QTMAN: variants seen among roughly 807,000 people sequenced by gnomAD.
QTMAN encodes the protein queuosine-tRNA mannosyltransferase.
At chr2:144,203,150 A>AGTGTGTGTGTGTGTGTGTGT in the QTMAN span, among the ~76,000 whole-genome samples, 1 of 145,532 alleles carries the variant, frequency 6.9e-6, no homozygotes. Flanking sequence ...TACAATGAAG[A>AGTGTGTGTGTGTGTGTGTGT]GTGTGTGTGT....
chr2:144,289,856 A>G, the QTMAN span, among the ~76,000 whole-genome samples: 15 of 152,200 alleles, frequency 9.9e-5, no homozygotes, highest in African/African-American at 3.1e-4. Context: ...AAAGAATGGG[A>G]AAAAAAATTG....
the QTMAN span, among the ~76,000 whole-genome samples, chr2:144,265,059 G>A: frequency 6.6e-6 from 1 of 152,212 alleles, no homozygotes; most frequent in Non-Finnish European, 1.5e-5. Context: ...CTACTTGACA[G>A]TTGTATTTCT....
the QTMAN span, among the ~76,000 whole-genome samples, chr2:144,332,820 C>T: frequency 1.3e-5 from 2 of 152,206 alleles, no homozygotes; most frequent in African/African-American, 4.8e-5. Flanking sequence ...TCCGCCCTTT[C>T]AGCTTTTTCG....
chr2:143,995,953 T>A, the QTMAN span, among the ~76,000 whole-genome samples: 1 of 152,110 alleles, frequency 6.6e-6, no homozygotes, highest in Non-Finnish European at 1.5e-5. Context: ...GCACCTTCAT[T>A]TATCCACTTA....
At chr2:143,989,559 G>A in the QTMAN span, among the ~76,000 whole-genome samples, 1 of 152,176 alleles carries the variant, frequency 6.6e-6, no homozygotes, top group Non-Finnish European at 1.5e-5. Flanking sequence ...GGACGGCATT[G>A]CAGGTAAGGA....
At chr2:144,299,665 C>T in the QTMAN span, among the ~76,000 whole-genome samples, 6 of 152,190 alleles carry the variant, frequency 3.9e-5, no homozygotes, top group South Asian at 4.1e-4. Flanking sequence ...AATTGAAATC[C>T]GTGTACACTG....
At chr2:144,263,424 C>G in the QTMAN span, among the ~76,000 whole-genome samples, 1 of 152,192 alleles carries the variant, frequency 6.6e-6, no homozygotes, top group Middle Eastern at 3.4e-3. Context: ...ATATTTGGGT[C>G]CTGGTCATGG....
the QTMAN span, among the ~76,000 whole-genome samples, chr2:144,273,930 T>C: frequency 5.9e-4 from 90 of 152,074 alleles, no homozygotes; most frequent in African/African-American, 1.8e-3. Context: ...GGTCAAGAGA[T>C]CCAGACCAGC....
the QTMAN span, among the ~76,000 whole-genome samples, chr2:143,960,641 G>C: frequency 5.7e-4 from 87 of 152,178 alleles, no homozygotes; most frequent in African/African-American, 2.0e-3. Context: ...ACTTGAAGGT[G>C]AAGAACGAGT....
At chr2:143,981,874 A>G in the QTMAN span, among the ~76,000 whole-genome samples, 1 of 152,178 alleles carries the variant, frequency 6.6e-6, no homozygotes, top group Non-Finnish European at 1.5e-5. Context: ...AATTAATTAC[A>G]TGTCTCCTCT....
the QTMAN span, among the ~76,000 whole-genome samples, chr2:144,267,967 G>A: frequency 6.6e-6 from 1 of 152,182 alleles, no homozygotes; most frequent in Non-Finnish European, 1.5e-5. Flanking sequence ...GGGCCAATGG[G>A]AGGTGATACA....
At chr2:144,290,072 T>C in the QTMAN span, among the ~76,000 whole-genome samples, 2 of 152,050 alleles carry the variant, frequency 1.3e-5, no homozygotes, top group African/African-American at 2.4e-5. Flanking sequence ...CTGTAACCAA[T>C]CCAGCTGTTT....
the QTMAN span, among the ~76,000 whole-genome samples, chr2:144,148,368 G>T: frequency 5.1e-4 from 78 of 151,902 alleles, no homozygotes; most frequent in African/African-American, 1.7e-3. Context: ...ATGTGAACAG[G>T]TGTGTAGTAA....
chr2:144,227,851 G>A, the QTMAN span, among the ~76,000 whole-genome samples: 1 of 152,124 alleles, frequency 6.6e-6, no homozygotes, highest in East Asian at 1.9e-4. Flanking sequence ...AGGCTACAAA[G>A]CTAAAACACT....
the QTMAN span, among the ~76,000 whole-genome samples, chr2:144,226,008 T>A: frequency 6.6e-6 from 1 of 152,222 alleles, no homozygotes; most frequent in African/African-American, 2.4e-5. Context: ...AGGCTATAAT[T>A]AGATCACTAT....
the QTMAN span, among the ~76,000 whole-genome samples, chr2:144,149,963 A>G: frequency 6.6e-6 from 1 of 152,028 alleles, no homozygotes; most frequent in Non-Finnish European, 1.5e-5. Flanking sequence ...ACAGAAGGGA[A>G]GTGAAATGAG....
At chr2:144,034,197 A>G in the QTMAN span, among the ~76,000 whole-genome samples, 1 of 152,296 alleles carries the variant, frequency 6.6e-6, no homozygotes, top group South Asian at 2.1e-4. Context: ...CTAATACAAA[A>G]TTCTGGGATA....
the QTMAN span, among the ~76,000 whole-genome samples, chr2:144,015,844 G>T: frequency 2.6e-5 from 4 of 152,134 alleles, no homozygotes; most frequent in Non-Finnish European, 1.5e-5. Context: ...CTCAATTTTG[G>T]AGTTTATTCA....
At chr2:144,067,278 A>G in the QTMAN span, among the ~76,000 whole-genome samples, 2 of 152,228 alleles carry the variant, frequency 1.3e-5, no homozygotes, top group African/African-American at 4.8e-5. Context: ...ACAGTACATC[A>G]GGACAAAATT....
Sources: allele counts gnomAD v4.1 joint callset (sites outside exome capture counted in the v4.1 genomes callset), GRCh38; gene constraint gnomAD v4.1.1; transcripts MANE v1.5; gene names NCBI Gene and HGNC (gene_info 2026-07-23, HGNC 2026-07-21).